SPTSSB: variants seen among roughly 807,000 people sequenced by gnomAD.
SPTSSB encodes the protein androgen down regulated in mouse prostate.
Under a neutral mutation model 7.7 loss-of-function variants are expected in SPTSSB, and 6 were observed. That is an observed-to-expected ratio of 0.78 (90% CI 0.43 to 1.54). The LOEUF (loss-of-function observed/expected upper bound fraction) is 1.54, where lower values mean the gene tolerates loss of function less well. Ranked by LOEUF, SPTSSB falls within the 40% of genes most tolerant of loss-of-function variation. The pLI is 0.01. For synonymous variants in SPTSSB, 28 were observed against 29.7 expected, an observed-to-expected ratio of 0.94 and a Z score of 0.19; for missense variants, 91 against 93.0, an observed-to-expected ratio of 0.98 and a Z score of 0.09.
intron 2 of SPTSSB, among the ~76,000 whole-genome samples, chr3:161,350,208 A>G (rs540935975): frequency 9.9e-5 from 15 of 152,118 alleles, no homozygotes; most frequent in Non-Finnish European, 1.8e-4. Context: ...GAAGTTAGGT[A>G]ACTGCAATGA....
At chr3:161,369,774 G>T (rs1560109338) in intron 1 of SPTSSB, among the ~76,000 whole-genome samples, 1 of 152,052 alleles carries the variant, frequency 6.6e-6, no homozygotes, top group South Asian at 2.1e-4. Context: ...TTGAGAGGGG[G>T]CCCTGCGTTA....
chr3:161,360,795 AT>A (rs1714975367), intron 1 of SPTSSB, among the ~76,000 whole-genome samples: 2 of 152,206 alleles, frequency 1.3e-5, no homozygotes, highest in South Asian at 4.1e-4. Context: ...CAAAAAGACA[AT>A]TGGTAAAGAT....
At chr3:161,368,593 A>ATT (rs1222982210) in intron 1 of SPTSSB, among the ~76,000 whole-genome samples, 4 of 151,408 alleles carry the variant, frequency 2.6e-5, no homozygotes, top group Non-Finnish European at 5.9e-5. Context: ...CGCCCGGCTA[A>ATT]TTTTTTGTAT....
intron 2 of SPTSSB, chr3:161,347,984 A>G (rs371937057): frequency 3.3e-5 from 5 of 152,350 alleles, no homozygotes; most frequent in African/African-American, 1.2e-4. Context: ...CCTTCTGAAT[A>G]TTAATGGCTT....
intron 2 of SPTSSB, among the ~76,000 whole-genome samples, chr3:161,353,677 G>A (rs1016365227): frequency 2.6e-5 from 4 of 151,874 alleles, no homozygotes; most frequent in Admixed American, 6.6e-5. Flanking sequence ...TTATTGTATC[G>A]GACACATGAA....
chr3:161,359,847 A>G lies in SPTSSB; in HGVS notation c.-78T>C, dbSNP rs766907413. On this transcript the variant is annotated 5_prime_UTR_variant, in exon 2 of 3. Transcript: ENST00000620149. ...TTCTTCAGCCTTGCTCCTTCACGAAATGATCCTGTGTGGGTTAGTTCTCCT... is the reference window on the plus strand; with the variant it reads ...TTCTTCAGCCTTGCTCCTTCACGAAGTGATCCTGTGTGGGTTAGTTCTCCT... The G allele has an allele frequency of 3.3e-5, 32 of 969,508 alleles. No homozygotes were observed. In the South Asian group the frequency reaches 8.6e-4, roughly 26 times the overall value. The allele number at this position is 969,508 out of a possible 1,614,324, so 60.1% of individuals were successfully genotyped here.
chr3:161,368,219 C>A (rs1715298069), intron 1 of SPTSSB, among the ~76,000 whole-genome samples: 1 of 152,142 alleles, frequency 6.6e-6, no homozygotes, highest in Non-Finnish European at 1.5e-5. Flanking sequence ...CCCATTTGTT[C>A]TTTTAATACT....
chr3:161,362,770 T>C (rs921633877), intron 1 of SPTSSB, among the ~76,000 whole-genome samples: 1 of 152,080 alleles, frequency 6.6e-6, no homozygotes, highest in Non-Finnish European at 1.5e-5. Context: ...ATAAAGCCCA[T>C]GAAAATTGAG....
chr3:161,360,573 G>A (rs1714966246), intron 1 of SPTSSB, among the ~76,000 whole-genome samples: 1 of 152,194 alleles, frequency 6.6e-6, no homozygotes, highest in South Asian at 2.1e-4. Context: ...GCATCATAAA[G>A]ATGGTTAGTG....
At chr3:161,364,207 A>C (rs1233918972) in intron 1 of SPTSSB, among the ~76,000 whole-genome samples, 1 of 152,098 alleles carries the variant, frequency 6.6e-6, no homozygotes, top group Non-Finnish European at 1.5e-5. Context: ...TTTGAGACCA[A>C]AGGAAAGTTC....
intron 2 of SPTSSB, among the ~76,000 whole-genome samples, chr3:161,354,019 G>A (rs974414621): frequency 6.6e-6 from 1 of 152,060 alleles, no homozygotes; most frequent in African/African-American, 2.4e-5. Context: ...CAACTTAAAA[G>A]TTTATGATGA....
At chr3:161,347,565 T>C (rs779895008) in intron 2 of SPTSSB, among the ~76,000 whole-genome samples, 3 of 152,132 alleles carry the variant, frequency 2.0e-5, no homozygotes, top group East Asian at 3.9e-4. Flanking sequence ...CCCGAACTTG[T>C]TGTGGCTTTT....
chr3:161,349,602 G>A (rs1030650596), intron 2 of SPTSSB, among the ~76,000 whole-genome samples: 1 of 152,068 alleles, frequency 6.6e-6, no homozygotes. Flanking sequence ...TTTTTAAAAA[G>A]AAAAGTTTCC....
chr3:161,352,963 T>C (rs1169616544), intron 2 of SPTSSB, among the ~76,000 whole-genome samples: 1 of 152,130 alleles, frequency 6.6e-6, no homozygotes, highest in Non-Finnish European at 1.5e-5. Flanking sequence ...TAATTTAAGA[T>C]TGGTAGGTAG....
At chr3:161,365,593 C>CT (rs1715184506) in intron 1 of SPTSSB, among the ~76,000 whole-genome samples, 1 of 152,206 alleles carries the variant, frequency 6.6e-6, no homozygotes, top group Non-Finnish European at 1.5e-5. Context: ...ACCTAAGTGC[C>CT]TACCACATAG....
At chr3:161,352,592 G>T (rs1714592363) in intron 2 of SPTSSB, among the ~76,000 whole-genome samples, 1 of 152,168 alleles carries the variant, frequency 6.6e-6, no homozygotes, top group Admixed American at 6.5e-5. Flanking sequence ...TGGTGAGCTG[G>T]CCTGTTGGCT....
At chr3:161,350,499 ACT>A in intron 2 of SPTSSB, among the ~76,000 whole-genome samples, 1 of 152,148 alleles carries the variant, frequency 6.6e-6, no homozygotes, top group African/African-American at 2.4e-5. Flanking sequence ...TCACTTTGGA[ACT>A]CTACATCAAT....
At chr3:161,369,864 C>T (rs1368565477) in intron 1 of SPTSSB, among the ~76,000 whole-genome samples, 2 of 152,136 alleles carry the variant, frequency 1.3e-5, no homozygotes, top group Non-Finnish European at 1.5e-5. Flanking sequence ...TCAAGCATCA[C>T]AATTGTTTGC....
At chr3:161,362,742 AT>A (rs1202255945) in intron 1 of SPTSSB, among the ~76,000 whole-genome samples, 1 of 152,066 alleles carries the variant, frequency 6.6e-6, no homozygotes, top group Non-Finnish European at 1.5e-5. Context: ...AACTGGGGCT[AT>A]TTAACATATA....
Sources: allele counts gnomAD v4.1 joint callset (sites outside exome capture counted in the v4.1 genomes callset), GRCh38; gene constraint gnomAD v4.1.1; transcripts MANE v1.5; gene names NCBI Gene and HGNC (gene_info 2026-07-23, HGNC 2026-07-21).